Variants in SGCG observed in about 807,000 individuals in gnomAD.
SGCG encodes the protein gamma-sarcoglycan.
Under a neutral mutation model 29.3 loss-of-function variants are expected in SGCG, and 26 were observed. The observed-to-expected ratio is 0.89, with a 90% CI of 0.65 to 1.23. The LOEUF (loss-of-function observed/expected upper bound fraction) is 1.23. Among genes scored for constraint, SGCG ranks in the 50% most tolerant of loss-of-function variants. SGCG has a pLI of 0.00. For synonymous variants in SGCG, 145 were observed against 129.7 expected, an observed-to-expected ratio of 1.12 and a Z score of -0.80; for missense variants, 353 against 356.0, an observed-to-expected ratio of 0.99 and a Z score of 0.07.
Position 23,210,462 on chromosome 13 carries a change from C to T in SGCG, c.195+6573C>T, listed in dbSNP as rs186404807. Among the ~76,000 whole-genome samples, 226 of 152,116 alleles carry T rather than the reference C, an allele frequency of 1.5e-3. 1 individual carries two copies. The highest frequency in any genetic ancestry group is 6.0e-3 in the East Asian group (31 of 5,164). Reference sequence around the variant, plus strand: ...ATCCCAGCACTTTGGGAGACTGAGGCGGGCAAATCACAAGGTCAGGAGATC... The same window carrying T: ...ATCCCAGCACTTTGGGAGACTGAGGTGGGCAAATCACAAGGTCAGGAGATC... On this transcript the variant is annotated intron_variant, in intron 2 of 7. Transcript: ENST00000218867.
intron 4 of SGCG, among the ~76,000 whole-genome samples, chr13:23,258,053 C>T (rs1880268699): frequency 6.6e-6 from 1 of 152,010 alleles, no homozygotes; most frequent in Admixed American, 6.6e-5. Context: ...TTGACATGAA[C>T]TTTAAAGTAG....
At position 23,203,744 on chromosome 13, in the gene SGCG, G is replaced by A; in HGVS notation, c.50G>A (p.Arg17Lys). The A allele has an allele frequency of 1.2e-6, 2 of 1,613,988 alleles. No homozygotes were observed. The highest frequency in any genetic ancestry group is 8.5e-7 in the Non-Finnish European group (1 of 1,179,900). ...GCCACAGAAGGCATCTGCATAGAGA[G>A]GCCAGAGAATCAGTATGTCTACAAA... ...TTATEGICIERPENQYVYKIG... is the reference protein window; with the variant it reads ...TTATEGICIEKPENQYVYKIG... The change falls in exon 2 of 8, where the codon AGG becomes AAG. Residue 17 changes from arginine to lysine, a missense_variant. Arg to Lys is a conservative substitution (Grantham distance 26, BLOSUM62 2). Transcript: ENST00000218867.
chr13:23,319,893 G>T (rs1391346703), intron 6 of SGCG, among the ~76,000 whole-genome samples: 3 of 152,194 alleles, frequency 2.0e-5, no homozygotes, highest in African/African-American at 4.8e-5. Flanking sequence ...TATATTTTTG[G>T]TTCTCTTTCT....
intron 2 of SGCG, among the ~76,000 whole-genome samples, chr13:23,231,648 G>A (rs995292977): frequency 6.6e-6 from 1 of 152,072 alleles, no homozygotes; most frequent in Non-Finnish European, 1.5e-5. Context: ...TTTAAAAAGT[G>A]GCTTATTATG....
At chr13:23,168,505 C>T in the SGCG span, among the ~76,000 whole-genome samples, 1 of 152,196 alleles carries the variant, frequency 6.6e-6, no homozygotes, top group Non-Finnish European at 1.5e-5. Context: ...GTAGCCCCAG[C>T]AGGGTGCTCG....
Position 23,295,423 on chromosome 13 carries a change from G to T in SGCG, c.514G>T (p.Gly172Trp), listed in dbSNP as rs745417608. 1 of 1,613,400 alleles carries T rather than the reference G, an allele frequency of 6.2e-7. No homozygotes were observed. The highest frequency in any genetic ancestry group is 8.5e-7 in the Non-Finnish European group (1 of 1,179,518). ...TDKLRVTGPE[G>W]ALFEHSVETP... ...CTTTGTTTTTTGTTTAGGGCCTGAA[G>T]GGGCTCTTTTTGAACATTCAGTGGA... is the stretch of plus-strand genomic sequence containing the variant. Residue 172 changes from glycine to tryptophan, a missense_variant, in exon 6 of 8, where the codon GGG becomes TGG. By Grantham distance (184) the Gly-to-Trp change is radical (BLOSUM62 -2). Coordinates refer to ENST00000218867, the MANE Select transcript of SGCG (RefSeq NM_000231.3).
At chr13:23,223,690 G>T (rs4770415) in intron 2 of SGCG, among the ~76,000 whole-genome samples, 1 of 152,064 alleles carries the variant, frequency 6.6e-6, no homozygotes, top group African/African-American at 2.4e-5. Context: ...GGGGCTGGGC[G>T]TGGTGGCTCA....
At chr13:23,310,895 T>C (rs943792749) in intron 6 of SGCG, among the ~76,000 whole-genome samples, 11 of 152,234 alleles carry the variant, frequency 7.2e-5, no homozygotes, top group African/African-American at 2.7e-4. Context: ...TTCCCTTTCA[T>C]TGTGGTTTTA....
At chr13:23,170,490 T>C in the SGCG span, 3 of 152,212 alleles carry the variant, frequency 2.0e-5, no homozygotes, top group Non-Finnish European at 4.4e-5. Context: ...GACGTGAGCT[T>C]GTCTATGTGT....
At chr13:23,229,439 T>C (rs535785556) in intron 2 of SGCG, among the ~76,000 whole-genome samples, 15 of 152,366 alleles carry the variant, frequency 9.8e-5, no homozygotes, top group African/African-American at 3.4e-4. Context: ...GTGTTTGCTA[T>C]TTCTCTGCAA....
chr13:23,203,441 T>C (rs1448099377), intron 1 of SGCG, among the ~76,000 whole-genome samples: 6 of 152,228 alleles, frequency 3.9e-5, no homozygotes, highest in African/African-American at 1.4e-4. Flanking sequence ...GAAAATATGG[T>C]CACTAGATTT....
chr13:23,274,468 T>G (rs991030136), intron 4 of SGCG, among the ~76,000 whole-genome samples: 5 of 145,808 alleles, frequency 3.4e-5, no homozygotes, highest in African/African-American at 1.3e-4. Flanking sequence ...AGTGGTGCGA[T>G]CTTGGCTCGC....
Position 23,320,686 on chromosome 13 carries a change from C to T in SGCG, c.628C>T (p.His210Tyr). 1 of 1,605,802 alleles carries T rather than the reference C, an allele frequency of 6.2e-7. No individual in the cohort carries two copies. The change falls in exon 7 of 8, where the codon CAT (histidine) becomes TAT (tyrosine). Residue 210 changes from histidine to tyrosine, a missense_variant. Coordinates refer to ENST00000218867, the MANE Select transcript of SGCG (RefSeq NM_000231.3). ...SLSMDAPRGVHIQAHAGKIEA... is the reference protein window; with the variant it reads ...SLSMDAPRGVYIQAHAGKIEA... Reference sequence around the variant, plus strand: ...AAGCATGGATGCCCCAAGGGGTGTGCATATTCAAGCTCACGCTGGGAAAAT... The same window carrying T: ...AAGCATGGATGCCCCAAGGGGTGTGTATATTCAAGCTCACGCTGGGAAAAT...
intron 1 of SGCG, among the ~76,000 whole-genome samples, chr13:23,184,185 C>CAT (rs1876871886): frequency 6.6e-6 from 1 of 152,178 alleles, no homozygotes; most frequent in East Asian, 1.9e-4. Context: ...AGGAAAAACA[C>CAT]ATATATACCA....
upstream of SGCG, among the ~76,000 whole-genome samples, chr13:23,177,109 A>T (rs1324760680): frequency 6.6e-6 from 1 of 152,216 alleles, no homozygotes; most frequent in African/African-American, 2.4e-5. Context: ...GTTAAGTAAA[A>T]TAAGCCAAGC....
At chr13:23,234,044 C>T (rs1463119485) in intron 2 of SGCG, among the ~76,000 whole-genome samples, 2 of 152,216 alleles carry the variant, frequency 1.3e-5, no homozygotes, top group African/African-American at 2.4e-5. Context: ...ATCATGTCTT[C>T]CATCCAATCT....
intron 3 of SGCG, chr13:23,243,856 A>G (rs188733701): frequency 2.0e-5 from 3 of 152,306 alleles, no homozygotes; most frequent in African/African-American, 7.2e-5. Context: ...TTTAATTGAT[A>G]AAGTGTTAAC....
chr13:23,274,430 T>A (rs532569512), intron 4 of SGCG, among the ~76,000 whole-genome samples: 6 of 127,064 alleles, frequency 4.7e-5, no homozygotes, highest in Non-Finnish European at 9.7e-5. Context: ...TGAGATGGGG[T>A]CTTGCTCTGT....
chr13:23,179,764 T>A (rs1876669875), upstream of SGCG, among the ~76,000 whole-genome samples: 1 of 152,130 alleles, frequency 6.6e-6, no homozygotes, highest in African/African-American at 2.4e-5. Flanking sequence ...GTATCAAATT[T>A]CAAAAGAAAT....
Sources: allele counts gnomAD v4.1 joint callset (sites outside exome capture counted in the v4.1 genomes callset), GRCh38; gene constraint gnomAD v4.1.1; transcripts MANE v1.5; gene names NCBI Gene and HGNC (gene_info 2026-07-23, HGNC 2026-07-21).